AP1S3: variants seen among roughly 807,000 people sequenced by gnomAD.
AP1S3 encodes the protein AP-1 complex subunit sigma-3.
Under a neutral mutation model 20.9 loss-of-function variants are expected in AP1S3, and 10 were observed. That is an observed-to-expected ratio of 0.48 (90% CI 0.29 to 0.81). The LOEUF is 0.81. Among genes scored for constraint, AP1S3 ranks in the 30% least tolerant of loss-of-function variants. AP1S3 has a pLI of 0.08. For synonymous variants in AP1S3, 41 were observed against 61.5 expected (o/e 0.67, Z 1.56); for missense variants, 154 against 183.8 (o/e 0.84, Z 0.94).
chr2:223,821,735 G>A (rs1691991781), intron 1 of AP1S3, among the ~76,000 whole-genome samples: 1 of 152,156 alleles, frequency 6.6e-6, no homozygotes. Context: ...GGATGAGCCT[G>A]GCTCCTGGGC....
chr2:223,810,564 C>G (rs1691700148), intron 1 of AP1S3, among the ~76,000 whole-genome samples: 1 of 152,220 alleles, frequency 6.6e-6, no homozygotes, highest in South Asian at 2.1e-4. Flanking sequence ...CCACCTTGTC[C>G]TCCCAAAGTG....
chr2:223,825,515 C>T (rs942237225), intron 1 of AP1S3, among the ~76,000 whole-genome samples: 1 of 152,074 alleles, frequency 6.6e-6, no homozygotes, highest in African/African-American at 2.4e-5. Flanking sequence ...AGGCTCAGCC[C>T]CAGGCCTGTC....
chr2:223,816,401 C>A (rs1048921778), intron 1 of AP1S3, among the ~76,000 whole-genome samples: 1 of 151,980 alleles, frequency 6.6e-6, no homozygotes, highest in Non-Finnish European at 1.5e-5. Flanking sequence ...ATCAAACGGT[C>A]TTTTTAAGCA....
At chr2:223,833,245 C>A (rs10196908) in intron 1 of AP1S3, among the ~76,000 whole-genome samples, 343 of 49,990 alleles carry the variant, frequency 6.9e-3, no homozygotes, top group African/African-American at 0.011. Flanking sequence ...AGGCAAAATA[C>A]ATACATACAT....
At chr2:223,769,698 AAAAG>A (rs1690563357) in intron 3 of AP1S3, among the ~76,000 whole-genome samples, 1 of 152,104 alleles carries the variant, frequency 6.6e-6, no homozygotes, top group African/African-American at 2.4e-5. Flanking sequence ...AGGAGGAAAA[AAAAG>A]AAAGTTGCAG....
intron 1 of AP1S3, among the ~76,000 whole-genome samples, chr2:223,813,087 C>A (rs61441193): frequency 0.021 from 3,179 of 152,108 alleles, 115 homozygotes; most frequent in African/African-American, 0.072. Context: ...TGCCACCACG[C>A]CCAGCTTTTG....
chr2:223,804,130 C>T (rs1691528172), intron 1 of AP1S3, among the ~76,000 whole-genome samples: 1 of 152,114 alleles, frequency 6.6e-6, no homozygotes, highest in South Asian at 2.1e-4. Flanking sequence ...TAAAGCTAGA[C>T]ATGTGAACCT....
chr2:223,777,572 G>A, intron 2 of AP1S3, 119 bp downstream of exon 2: 1 of 871,894 alleles, frequency 1.1e-6, no homozygotes, highest in Non-Finnish European at 1.7e-6. Context: ...CAAATATCTG[G>A]GCCCCAGCCT....
intron 1 of AP1S3, 86 bp downstream of exon 1, chr2:223,837,362 C>T (rs1166778471): frequency 6.1e-5 from 46 of 754,864 alleles, no homozygotes; most frequent in South Asian, 4.3e-4. Flanking sequence ...CACCCGGCCG[C>T]GCGCCCGGCC....
intron 1 of AP1S3, among the ~76,000 whole-genome samples, chr2:223,811,512 T>C (rs1035878787): frequency 6.7e-6 from 1 of 149,402 alleles, no homozygotes; most frequent in African/African-American, 2.5e-5. Context: ...GAGGTTGAAG[T>C]GAGCAGAGAT....
chr2:223,830,369 C>T (rs1692230323), intron 1 of AP1S3, among the ~76,000 whole-genome samples: 1 of 151,238 alleles, frequency 6.6e-6, no homozygotes, highest in Admixed American at 6.6e-5. Flanking sequence ...GTCCCAGCTA[C>T]TCAGGAGACT....
chr2:223,832,092 A>AG (rs1300589843), intron 1 of AP1S3, among the ~76,000 whole-genome samples: 1 of 42,342 alleles, frequency 2.4e-5, no homozygotes, highest in Non-Finnish European at 5.3e-5. Flanking sequence ...AAAAAAAATC[A>AG]AAAAAAGGAC....
At position 223,777,792 on chromosome 2, in the gene AP1S3, C is replaced by G. The variant is rs199820616; in HGVS notation, c.81G>C (p.Glu27Asp). 3.1e-6 allele frequency: 5 copies of G among 1,614,138 alleles called. No homozygotes were observed. The East Asian group carries it at 1.1e-4, about 36-fold the overall frequency. Residue 27 changes from glutamate to aspartate, a missense_variant, in exon 2 of 5, where the codon GAG becomes GAC. By Grantham distance (45) the Glu-to-Asp change is conservative (BLOSUM62 2). Coordinates refer to ENST00000396654, the MANE Select transcript of AP1S3 (RefSeq NM_001039569.2). ...CAATTTCCCGGGTGATCTTCTTCCT[C>G]TCTTTATCAGGGAGAGTGATGTACC... Reference protein sequence around the residue: ...QKWYITLPDKERKKITREIVQ... With the variant: ...QKWYITLPDKDRKKITREIVQ...
chr2:223,819,237 C>T (rs1052700659), intron 1 of AP1S3, among the ~76,000 whole-genome samples: 2 of 152,220 alleles, frequency 1.3e-5, no homozygotes, highest in African/African-American at 2.4e-5. Flanking sequence ...AGAGATTTAA[C>T]ATCTTTGATT....
chr2:223,818,422 C>CAAA lies in AP1S3; in HGVS notation c.3+19023_3+19025dup, dbSNP rs202075838. ...ACAGAGGGAGAGTGAGACTCCATCTCAAAAAAAAAAAATGTCCAAGGTTCC... is the reference window on the plus strand; with the variant it reads ...ACAGAGGGAGAGTGAGACTCCATCTCAAAAAAAAAAAAAAATGTCCAAGGTTCC... On this transcript the variant is annotated intron_variant, in intron 1 of 4. Coordinates refer to ENST00000396654, the MANE Select transcript of AP1S3 (RefSeq NM_001039569.2). Among the ~76,000 whole-genome samples the CAAA allele has an allele frequency of 2.6e-3, 367 of 141,568 alleles. 2 individuals are homozygous for CAAA. Among genetic ancestry groups the CAAA allele is most frequent in the African/African-American group, 3.1e-3 (119 of 38,288 alleles). The allele number at this position is 141,568 out of a possible 152,430, so 92.9% of individuals were successfully genotyped here. A position where few individuals can be genotyped will look rare whatever the true frequency, so the allele number is the denominator to read the frequency against.
intron 1 of AP1S3, among the ~76,000 whole-genome samples, chr2:223,795,226 G>A (rs565001392): frequency 4.6e-5 from 7 of 152,186 alleles, no homozygotes; most frequent in African/African-American, 1.7e-4. Flanking sequence ...TCCAGCCTGG[G>A]CAACAAGAGA....
At chr2:223,780,363 T>A (rs1159212495) in intron 1 of AP1S3, among the ~76,000 whole-genome samples, 1 of 132,826 alleles carries the variant, frequency 7.5e-6, no homozygotes, top group Non-Finnish European at 1.6e-5. Context: ...AGAGAGTGTG[T>A]GTGTGTGTGT....
chr2:223,803,842 T>A (rs1435083809), intron 1 of AP1S3, among the ~76,000 whole-genome samples: 2 of 147,014 alleles, frequency 1.4e-5, no homozygotes, highest in East Asian at 4.0e-4. Flanking sequence ...ATCGCGCCAC[T>A]GCACTCCAGC....
At chr2:223,833,437 A>G (rs1372702049) in intron 1 of AP1S3, among the ~76,000 whole-genome samples, 1 of 152,182 alleles carries the variant, frequency 6.6e-6, no homozygotes, top group African/African-American at 2.4e-5. Flanking sequence ...GGTGAGATGG[A>G]GTACACAGTT....
Sources: allele counts gnomAD v4.1 joint callset (sites outside exome capture counted in the v4.1 genomes callset), GRCh38; gene constraint gnomAD v4.1.1; transcripts MANE v1.5; gene names NCBI Gene and HGNC (gene_info 2026-07-23, HGNC 2026-07-21).